Variants in NRG1 observed in about 807,000 individuals in gnomAD.
NRG1 encodes the protein pro-neuregulin-1, membrane-bound isoform.
NRG1 carries 18 observed loss-of-function variants against 63.8 expected under a neutral mutation model. The ratio of observed to expected loss-of-function variants is 0.28; its 90% CI spans 0.19 to 0.42. The LOEUF is 0.42. NRG1 is among the 10% of genes least tolerant of loss of function. NRG1 has a pLI of 1.00. For synonymous variants in NRG1, 302 were observed against 301.3 expected (o/e 1.00, Z -0.02); for missense variants, 762 against 814.7 (o/e 0.94, Z 0.79).
intron 5 of NRG1, among the ~76,000 whole-genome samples, chr8:32,639,161 T>G (rs1851862217): frequency 1.3e-5 from 2 of 152,114 alleles, no homozygotes; most frequent in South Asian, 4.1e-4. Context: ...ATCCTAGCAC[T>G]TTGGGAGGCC....
intron 1 of NRG1, among the ~76,000 whole-genome samples, chr8:31,813,324 T>G (rs1823070000): frequency 6.6e-6 from 1 of 152,110 alleles, no homozygotes; most frequent in South Asian, 2.1e-4. Flanking sequence ...ATGTGATACT[T>G]TGGTGCAGGC....
intron 1 of NRG1, among the ~76,000 whole-genome samples, chr8:32,010,058 C>T (rs943960254): frequency 5.3e-5 from 8 of 152,134 alleles, no homozygotes; most frequent in African/African-American, 1.9e-4. Flanking sequence ...GAGCTAAAAG[C>T]AGATTCTCTC....
At chr8:32,626,181 A>G (rs993959307) in intron 5 of NRG1, among the ~76,000 whole-genome samples, 1 of 150,060 alleles carries the variant, frequency 6.7e-6, no homozygotes, top group African/African-American at 2.5e-5. Context: ...GTGTATGCAT[A>G]TTTCTTGGGA....
chr8:32,520,919 T>A (rs952024194), intron 1 of NRG1, among the ~76,000 whole-genome samples: 1 of 152,242 alleles, frequency 6.6e-6, no homozygotes, highest in African/African-American at 2.4e-5. Context: ...AGTAACCATC[T>A]TGATGATCAG....
chr8:31,888,980 C>T (rs1160534328), intron 1 of NRG1, among the ~76,000 whole-genome samples: 2 of 152,010 alleles, frequency 1.3e-5, no homozygotes, highest in African/African-American at 4.8e-5. Context: ...TGTGTTATTC[C>T]ATTTTGTACC....
chr8:32,497,134 G>A (rs1411615449), intron 1 of NRG1, among the ~76,000 whole-genome samples: 1 of 152,078 alleles, frequency 6.6e-6, no homozygotes, highest in Non-Finnish European at 1.5e-5. Context: ...GAGTCTTATT[G>A]TATAGAATTT....
intron 1 of NRG1, among the ~76,000 whole-genome samples, chr8:32,246,694 A>G (rs1455023153): frequency 6.6e-6 from 1 of 152,168 alleles, no homozygotes; most frequent in Non-Finnish European, 1.5e-5. Flanking sequence ...AAGAATCTCC[A>G]TTTGAAAAAT....
intron 1 of NRG1, among the ~76,000 whole-genome samples, chr8:31,816,458 A>G (rs1823456185): frequency 6.6e-6 from 1 of 152,244 alleles, no homozygotes; most frequent in Non-Finnish European, 1.5e-5. Context: ...CCTTTAAGGA[A>G]GTAGAAAACT....
At chr8:31,989,323 C>T (rs17683983) in intron 1 of NRG1, among the ~76,000 whole-genome samples, 73 of 64,280 alleles carry the variant, frequency 1.1e-3, no homozygotes, top group African/African-American at 2.2e-3. Context: ...CATGGGAGAA[C>T]ATCTTGATAG....
intron 1 of NRG1, among the ~76,000 whole-genome samples, chr8:31,800,844 T>TC (rs1196100919): frequency 2.9e-5 from 4 of 137,486 alleles, no homozygotes; most frequent in Admixed American, 2.2e-4. Flanking sequence ...TTTCTTTTTT[T>TC]TTTTTTTTTT....
intron 1 of NRG1, among the ~76,000 whole-genome samples, chr8:32,591,625 C>A (rs533442631): frequency 6.6e-6 from 1 of 151,848 alleles, no homozygotes; most frequent in African/African-American, 2.4e-5. Flanking sequence ...AGTGCAATAC[C>A]GCTTGCAGAA....
chr8:31,806,042 T>A (rs1024105998), intron 1 of NRG1, among the ~76,000 whole-genome samples: 1 of 152,166 alleles, frequency 6.6e-6, no homozygotes, highest in African/African-American at 2.4e-5. Context: ...AGATGATTTT[T>A]AAAAATTATG....
Position 32,383,689 on chromosome 8 carries a change from C to T in NRG1, c.38-212139C>T, listed in dbSNP as rs140214382. On this transcript the variant is annotated intron_variant, in intron 1 of 10. Coordinates refer to the NRG1 transcript ENST00000519301. ...ACTCAGTATCTTTTTACTGCGCCAC[C>T]TTACGTTTCACTCAGACACCATCTG... Among the ~76,000 whole-genome samples, 14 of 152,328 alleles carry T rather than the reference C, an allele frequency of 9.2e-5. 1 individual carries two copies. The East Asian group carries it at 2.7e-3, about 29-fold the overall frequency.
At chr8:31,830,459 G>A in intron 1 of NRG1, among the ~76,000 whole-genome samples, 1 of 151,540 alleles carries the variant, frequency 6.6e-6, no homozygotes, top group East Asian at 2.0e-4. Flanking sequence ...GCTTAGATCA[G>A]CTGGGACAAC....
intron 1 of NRG1, among the ~76,000 whole-genome samples, chr8:32,417,375 TTGG>T (rs1467077071): frequency 6.6e-6 from 1 of 152,154 alleles, no homozygotes; most frequent in African/African-American, 2.4e-5. Flanking sequence ...GCTGCAGGTA[TTGG>T]TGAGGTACAG....
At chr8:31,761,399 A>G (rs1817543180) in intron 1 of NRG1, among the ~76,000 whole-genome samples, 1 of 152,138 alleles carries the variant, frequency 6.6e-6, no homozygotes, top group African/African-American at 2.4e-5. Flanking sequence ...ACATGTATAC[A>G]TACGTAACTA....
chr8:32,633,457 A>G (rs890979423), intron 5 of NRG1, among the ~76,000 whole-genome samples: 1 of 152,176 alleles, frequency 6.6e-6, no homozygotes, highest in Admixed American at 6.5e-5. Context: ...TTCTTCTATC[A>G]CTAATCAAAC....
At chr8:32,425,217 G>A (rs1036070357) in intron 1 of NRG1, among the ~76,000 whole-genome samples, 2 of 152,170 alleles carry the variant, frequency 1.3e-5, no homozygotes, top group Non-Finnish European at 2.9e-5. Flanking sequence ...CTTTGGAATG[G>A]CATTTGCATC....
chr8:32,041,918 A>T (rs1042048401), intron 1 of NRG1, among the ~76,000 whole-genome samples: 1 of 152,202 alleles, frequency 6.6e-6, no homozygotes, highest in African/African-American at 2.4e-5. Flanking sequence ...GGTCCTAGAT[A>T]GGGTACCGAA....
Sources: gnomAD v4.1 joint callset for allele counts (sites outside exome capture counted in the v4.1 genomes callset) on GRCh38, gnomAD v4.1.1 for gene constraint, MANE v1.5 for transcripts, NCBI Gene and HGNC (gene_info 2026-07-23, HGNC 2026-07-21) for gene names.